Variants in CFAP263 observed in about 807,000 individuals in gnomAD.
CFAP263 encodes the protein cilia and flagella associated protein 263.
chr16:58,267,340 A>G, the CFAP263 span: 1 of 646,900 alleles, frequency 1.5e-6, no homozygotes. Context: ...GATTTGGAAA[A>G]TCTGGGCAAC....
the CFAP263 span, chr16:58,280,393 A>G: frequency 6.2e-7 from 1 of 1,614,024 alleles, no homozygotes; most frequent in South Asian, 1.1e-5. Flanking sequence ...TGATTCCTTT[A>G]CATCCTTCTC....
chr16:58,262,763 G>GTAGAT, the CFAP263 span, among the ~76,000 whole-genome samples: 1 of 78,412 alleles, frequency 1.3e-5, no homozygotes, highest in Admixed American at 1.2e-4. Context: ...TAGATGATAG[G>GTAGAT]TAGATAGATA....
the CFAP263 span, among the ~76,000 whole-genome samples, chr16:58,258,187 G>A: frequency 6.6e-6 from 1 of 150,902 alleles, no homozygotes; most frequent in Non-Finnish European, 1.5e-5. Flanking sequence ...TTTTTTTGAA[G>A]AATGCTTTTA....
the CFAP263 span, chr16:58,278,592 G>A: frequency 6.2e-7 from 1 of 1,614,226 alleles, no homozygotes; most frequent in Non-Finnish European, 8.5e-7. Flanking sequence ...ATGCGGACCT[G>A]GAGAAGAGCA....
At chr16:58,280,418 T>C in the CFAP263 span, 2 of 1,613,864 alleles carry the variant, frequency 1.2e-6, no homozygotes, top group South Asian at 1.1e-5. Flanking sequence ...ACATCTAGAC[T>C]ATCTCTAGAG....
the CFAP263 span, chr16:58,279,673 T>C: frequency 2.0e-6 from 3 of 1,496,106 alleles, no homozygotes; most frequent in Non-Finnish European, 2.7e-6. Flanking sequence ...TTTCTTTTTT[T>C]CTTTTTTTTT....
At chr16:58,257,252 C>T in the CFAP263 span, among the ~76,000 whole-genome samples, 1 of 111,202 alleles carries the variant, frequency 9.0e-6, no homozygotes, top group African/African-American at 2.7e-5. Context: ...CTCCTGACCT[C>T]GTGATCCGCC....
chr16:58,260,004 C>A, the CFAP263 span: 1 of 910,540 alleles, frequency 1.1e-6, no homozygotes. Flanking sequence ...ATAAGGTTCC[C>A]ACCCCCACCC....
the CFAP263 span, chr16:58,250,259 C>T: frequency 1.8e-6 from 1 of 561,782 alleles, no homozygotes; most frequent in Non-Finnish European, 3.1e-6. Flanking sequence ...CCTTACTCCA[C>T]CACCACTGAG....
the CFAP263 span, among the ~76,000 whole-genome samples, chr16:58,255,510 AC>A: frequency 2.0e-5 from 3 of 151,682 alleles, no homozygotes; most frequent in Admixed American, 1.3e-4. Context: ...TCAAGTTGAC[AC>A]CTAATATTAA....
chr16:58,254,205 C>G, the CFAP263 span: 2 of 1,595,648 alleles, frequency 1.3e-6, no homozygotes, highest in South Asian at 1.1e-5. Flanking sequence ...GGCTCCCCAC[C>G]TCTACCCCAC....
chr16:58,257,014 C>CCTTTTTTTTT, the CFAP263 span, among the ~76,000 whole-genome samples: 3 of 41,928 alleles, frequency 7.2e-5, no homozygotes, highest in Non-Finnish European at 1.2e-4. Context: ...ATATGAATTT[C>CCTTTTTTTTT]TTTTTTTTTT....
chr16:58,262,679 C>T, the CFAP263 span: 1 of 721,902 alleles, frequency 1.4e-6, no homozygotes, highest in East Asian at 2.7e-5. Flanking sequence ...TCCTAAAATT[C>T]CCTGAATGCT....
the CFAP263 span, chr16:58,281,907 A>G: frequency 6.6e-6 from 1 of 152,364 alleles, no homozygotes; most frequent in African/African-American, 2.4e-5. Flanking sequence ...CAGTGGTGCA[A>G]TCTTGGCTCA....
At chr16:58,252,954 C>G in the CFAP263 span, 1 of 1,137,962 alleles carries the variant, frequency 8.8e-7, no homozygotes, top group South Asian at 1.3e-5. Flanking sequence ...GGCCAATTGA[C>G]CATGGGACCT....
the CFAP263 span, chr16:58,262,238 G>A: frequency 1.4e-6 from 1 of 712,300 alleles, no homozygotes; most frequent in Admixed American, 2.4e-5. Flanking sequence ...CACCATGCCT[G>A]GGACCAAACA....
the CFAP263 span, among the ~76,000 whole-genome samples, chr16:58,265,359 C>T: frequency 6.6e-6 from 1 of 152,168 alleles, no homozygotes; most frequent in African/African-American, 2.4e-5. Context: ...AAGAGGAAGT[C>T]ATAGATGTGA....
At chr16:58,271,754 A>G in the CFAP263 span, among the ~76,000 whole-genome samples, 3 of 152,330 alleles carry the variant, frequency 2.0e-5, no homozygotes, top group South Asian at 4.1e-4. Flanking sequence ...AAGGGAGTCT[A>G]CTGTCAACAT....
chr16:58,267,828 G>A, the CFAP263 span, among the ~76,000 whole-genome samples: 29 of 152,130 alleles, frequency 1.9e-4, no homozygotes, highest in Middle Eastern at 3.4e-3. Context: ...CAAAAATTTC[G>A]TACAGTCCAA....
Sources: gnomAD v4.1 joint callset for allele counts (sites outside exome capture counted in the v4.1 genomes callset) on GRCh38, gnomAD v4.1.1 for gene constraint, MANE v1.5 for transcripts, NCBI Gene and HGNC (gene_info 2026-07-23, HGNC 2026-07-21) for gene names.